Variants in RASA1 observed in about 807,000 individuals in gnomAD.
The protein encoded by RASA1 is RAS p21 protein activator 1.
In RASA1, 25 loss-of-function variants were observed where a neutral mutation model predicts 132.2. The observed-to-expected ratio is 0.19, with a 90% CI of 0.14 to 0.26. The LOEUF (loss-of-function observed/expected upper bound fraction) is 0.26, where lower values mean the gene tolerates loss of function less well. Among genes scored for constraint, RASA1 ranks in the 10% least tolerant of loss-of-function variants. The probability of loss-of-function intolerance (pLI) is 1.00; values close to 1 mark genes in which losing one functional copy is unlikely to be tolerated. For missense variants in RASA1, 964 were observed against 1,299.2 expected, an observed-to-expected ratio of 0.74 and a Z score of 3.97; for synonymous variants, 477 against 449.9, an observed-to-expected ratio of 1.06 and a Z score of -0.76.
At chr5:87,383,606 A>ATGGGTTCTATG (rs1197612749) in intron 20 of RASA1, 107 bp from the exon 21 acceptor site, 2 of 786,362 alleles carry the variant, frequency 2.5e-6, no homozygotes, top group Non-Finnish European at 4.0e-6. Flanking sequence ...AGTGAATTTT[A>ATGGGTTCTATG]TGGGTTCTAT....
chr5:87,309,448 T>C (rs1755767226), intron 1 of RASA1, among the ~76,000 whole-genome samples: 1 of 152,094 alleles, frequency 6.6e-6, no homozygotes, highest in African/African-American at 2.4e-5. Context: ...TGAAGATAAG[T>C]ATATGGTAAT....
intron 15 of RASA1, 137 bp from the exon 16 acceptor site, chr5:87,376,256 T>C: frequency 1.0e-6 from 1 of 956,584 alleles, no homozygotes; most frequent in Non-Finnish European, 1.6e-6. Context: ...AAATATTGAA[T>C]TTGTGATGTT....
chr5:87,287,424 T>C (rs1469003497), intron 1 of RASA1, among the ~76,000 whole-genome samples: 1 of 145,940 alleles, frequency 6.9e-6, no homozygotes, highest in Non-Finnish European at 1.5e-5. Flanking sequence ...ATACACCATA[T>C]ATACACACCA....
At chr5:87,359,061 C>A (rs988756745) in intron 9 of RASA1, among the ~76,000 whole-genome samples, 2 of 152,060 alleles carry the variant, frequency 1.3e-5, no homozygotes, top group Non-Finnish European at 2.9e-5. Context: ...TTAATCTTTC[C>A]CTGGTTAGAA....
At position 87,271,449 on chromosome 5, in the gene RASA1, CTTCTTTT is replaced by C. The variant is rs1277709880; in HGVS notation, c.539+2462_539+2468del. On this transcript the variant is annotated intron_variant, in intron 1 of 24. Transcript: ENST00000274376. ...GTTAAAAAAAACTGTTTTTAGTAGA[CTTCTTTT>C]TTTTTTTTTTTTTTTTTTTTTTTTT... Among the ~76,000 whole-genome samples, 35 of 67,494 alleles carry C rather than the reference CTTCTTTT, an allele frequency of 5.2e-4. 1 individual carries two copies. Among genetic ancestry groups the C allele is most frequent in the African/African-American group, 1.9e-3 (29 of 15,290 alleles). The allele number at this position is 67,494 out of a possible 152,430, so 44.3% of individuals were successfully genotyped here. A position where few individuals can be genotyped will look rare whatever the true frequency, so the allele number is the denominator to read the frequency against.
In RASA1 at chr5:87,300,956, T is replaced by C. The variant is rs182276381; in HGVS notation, c.540-30392T>C. On this transcript the variant is annotated intron_variant, in intron 1 of 24. Transcript: ENST00000274376. ...GAAAGGCAGAAAAGATGAGGCAGGG[T>C]TAGGTCCTGGCTGTGAGTCACCCAT... Among the ~76,000 whole-genome samples, 657 of 152,256 alleles carry C rather than the reference T, an allele frequency of 4.3e-3. 6 individuals are homozygous for C. The highest frequency in any genetic ancestry group is 8.3e-3 in the East Asian group (43 of 5,182).
In RASA1 at chr5:87,377,052, C is replaced by G; in HGVS notation, c.2344+12C>G. ...AATAAGCATGGAAGGTATGGTATGGCCATGTTAGTGTGATACAAGAAACTG... is the reference window on the plus strand; with the variant it reads ...AATAAGCATGGAAGGTATGGTATGGGCATGTTAGTGTGATACAAGAAACTG... On this transcript the variant is annotated intron_variant, in intron 17 of 24. Coordinates refer to ENST00000274376, the MANE Select transcript of RASA1 (RefSeq NM_002890.3). The G allele has an allele frequency of 6.2e-7, 1 of 1,610,072 alleles. No homozygotes were observed.
intron 1 of RASA1, among the ~76,000 whole-genome samples, chr5:87,326,879 T>C (rs1757270488): frequency 1.3e-5 from 2 of 152,162 alleles, no homozygotes; most frequent in African/African-American, 2.4e-5. Flanking sequence ...GAAAAAAAGA[T>C]TGGTTTCTCC....
chr5:87,363,955 C>A (rs1343234190), intron 11 of RASA1, among the ~76,000 whole-genome samples: 1 of 151,970 alleles, frequency 6.6e-6, no homozygotes, highest in Non-Finnish European at 1.5e-5. Context: ...AAAAAAAATT[C>A]TTATGTTGAC....
chr5:87,278,507 C>T (rs1268718089), intron 1 of RASA1, among the ~76,000 whole-genome samples: 2 of 151,946 alleles, frequency 1.3e-5, no homozygotes, highest in African/African-American at 2.4e-5. Flanking sequence ...GATCATGCCA[C>T]TGCACTCCAG....
intron 1 of RASA1, among the ~76,000 whole-genome samples, chr5:87,280,576 A>C (rs1754271920): frequency 6.6e-6 from 1 of 151,956 alleles, no homozygotes. Context: ...GCCTCCCAAA[A>C]TGCTGGGATT....
At chr5:87,365,787 CAAAG>C (rs1760470577) in intron 11 of RASA1, among the ~76,000 whole-genome samples, 1 of 151,510 alleles carries the variant, frequency 6.6e-6, no homozygotes, top group Non-Finnish European at 1.5e-5. Flanking sequence ...TACTTTGAAA[CAAAG>C]AAGGTCCTAT....
At chr5:87,360,371 G>A (rs1029042659) in intron 9 of RASA1, among the ~76,000 whole-genome samples, 5 of 152,208 alleles carry the variant, frequency 3.3e-5, no homozygotes, top group African/African-American at 7.2e-5. Context: ...TGATGTGCCC[G>A]CCTCGGCCTC....
At chr5:87,283,002 AT>A in intron 1 of RASA1, among the ~76,000 whole-genome samples, 1 of 152,134 alleles carries the variant, frequency 6.6e-6, no homozygotes, top group Non-Finnish European at 1.5e-5. Flanking sequence ...AATCGTAGCA[AT>A]TTAAAGTATG....
intron 1 of RASA1, among the ~76,000 whole-genome samples, chr5:87,301,745 C>CA (rs1236436556): frequency 2.0e-5 from 3 of 151,994 alleles, no homozygotes; most frequent in Admixed American, 2.0e-4. Flanking sequence ...TGGTGGTCCT[C>CA]AAAGTTTCAG....
intron 4 of RASA1, among the ~76,000 whole-genome samples, chr5:87,333,684 A>T (rs1181165662): frequency 6.6e-6 from 1 of 152,210 alleles, no homozygotes; most frequent in Non-Finnish European, 1.5e-5. Flanking sequence ...CTTCTACTTT[A>T]TGTAATGGGT....
At chr5:87,301,670 T>G (rs1425108709) in intron 1 of RASA1, among the ~76,000 whole-genome samples, 1 of 152,172 alleles carries the variant, frequency 6.6e-6, no homozygotes, top group South Asian at 2.1e-4. Flanking sequence ...TTATTTGCAT[T>G]ATACCAGTTG....
chr5:87,354,648 A>G (rs1221837330), intron 9 of RASA1, among the ~76,000 whole-genome samples: 1 of 152,152 alleles, frequency 6.6e-6, no homozygotes, highest in Non-Finnish European at 1.5e-5. Context: ...GGTCAAGTGA[A>G]AGGAAAAGTC....
chr5:87,338,536 A>ATATATATATATATATATATTTTTTTTT, intron 5 of RASA1, among the ~76,000 whole-genome samples: 1 of 85,216 alleles, frequency 1.2e-5, no homozygotes, highest in Non-Finnish European at 2.3e-5. Context: ...TATATATAAA[A>ATATATATATATATATATATTTTTTTTT]TTTTTTTTTT....
Sources: allele counts gnomAD v4.1 joint callset (sites outside exome capture counted in the v4.1 genomes callset), GRCh38; gene constraint gnomAD v4.1.1; transcripts MANE v1.5; gene names NCBI Gene and HGNC (gene_info 2026-07-23, HGNC 2026-07-21).